TMIGD3: variants seen among roughly 807,000 people sequenced by gnomAD.
TMIGD3 encodes the protein transmembrane and immunoglobulin domain containing 3.
TMIGD3 carries 21 observed loss-of-function variants against 28.1 expected under a neutral mutation model. That is an observed-to-expected ratio of 0.75 (90% confidence interval 0.53 to 1.08). The LOEUF (loss-of-function observed/expected upper bound fraction) is 1.08. Ranked by LOEUF, TMIGD3 falls within the 50% of genes least tolerant of loss-of-function variation. The probability of loss-of-function intolerance (pLI) is 0.00; values close to 1 mark genes in which losing one functional copy is unlikely to be tolerated. For synonymous variants in TMIGD3, 151 were observed against 162.1 expected (o/e 0.93, Z 0.52); for missense variants, 416 against 435.6 (o/e 0.96, Z 0.40).
At chr1:111,551,174 T>G (rs1452551278) in intron 1 of TMIGD3, among the ~76,000 whole-genome samples, 2 of 151,476 alleles carry the variant, frequency 1.3e-5, no homozygotes, top group South Asian at 4.2e-4. Flanking sequence ...TTGGATCATG[T>G]TTTTTTTTGA....
At chr1:111,519,261 A>T (rs1655973795) in intron 1 of TMIGD3, among the ~76,000 whole-genome samples, 1 of 152,122 alleles carries the variant, frequency 6.6e-6, no homozygotes, top group African/African-American at 2.4e-5. Context: ...TTAAGCTCTT[A>T]TTTACAGTCC....
chr1:111,490,170 G>A (rs545876142), intron 2 of TMIGD3: 1 of 155,242 alleles, frequency 6.4e-6, no homozygotes, highest in Admixed American at 6.4e-5. Flanking sequence ...TCATCTTTGG[G>A]GTCAAGCACA....
chr1:111,556,496 A>G (rs960074576), intron 1 of TMIGD3, among the ~76,000 whole-genome samples: 3 of 152,214 alleles, frequency 2.0e-5, no homozygotes, highest in Non-Finnish European at 4.4e-5. Context: ...GGTGGAGGCA[A>G]CCCAAATGTG....
At chr1:111,531,681 A>G (rs1179045798) in intron 1 of TMIGD3, among the ~76,000 whole-genome samples, 3 of 152,054 alleles carry the variant, frequency 2.0e-5, no homozygotes, top group Admixed American at 2.0e-4. Context: ...TGTTAGTGCT[A>G]GATATTTTTG....
rs1224994016 is a variant in TMIGD3, at chr1:111,530,009, C to T, written c.107+33837G>A. The stretch of plus-strand genomic sequence containing the variant: ...TGGCCGGGCGGGGCGCTGACCCCCC[C>T]ACCTCCCTCCCGGACGGGGCGGCTG... On this transcript the variant is annotated intron_variant, in intron 1 of 5. Transcript: ENST00000369717. 5.1e-5 allele frequency among the ~76,000 whole-genome samples: 5 copies of T among 97,366 alleles called. 1 individual carries two copies. The East Asian group carries it at 3.6e-3, about 70-fold the overall frequency. The allele number at this position is 97,366 out of a possible 152,430, so 63.9% of individuals were successfully genotyped here. A position where few individuals can be genotyped will look rare whatever the true frequency, so the allele number is the denominator to read the frequency against.
rs771385095 is a variant in TMIGD3, at chr1:111,483,806, C to T, written c.974-49G>A. The stretch of plus-strand genomic sequence containing the variant: ...AAATGGAGTTGAGATCTATTGCCTA[C>T]CCCTGAAGAGTGTTTCTGCAGCAAA... On this transcript the variant is annotated intron_variant, in intron 5 of 5. Coordinates refer to ENST00000369716, the MANE Select transcript of TMIGD3 (RefSeq NM_020683.7). The T allele has an allele frequency of 1.0e-5, 15 of 1,475,514 alleles. 1 individual carries two copies. In the South Asian group the frequency reaches 1.6e-4, roughly 16 times the overall value. The allele number at this position is 1,475,514 out of a possible 1,614,324, so 91.4% of individuals were successfully genotyped here. A position where few individuals can be genotyped will look rare whatever the true frequency, so the allele number is the denominator to read the frequency against.
intron 1 of TMIGD3, among the ~76,000 whole-genome samples, chr1:111,543,554 A>G (rs1034264673): frequency 1.3e-5 from 2 of 152,088 alleles, no homozygotes; most frequent in Non-Finnish European, 2.9e-5. Flanking sequence ...GCTTTGAGAA[A>G]ATGAACAGTA....
intron 1 of TMIGD3, among the ~76,000 whole-genome samples, chr1:111,497,620 T>C (rs1049657338): frequency 2.6e-5 from 4 of 151,838 alleles, no homozygotes; most frequent in Non-Finnish European, 5.9e-5. Flanking sequence ...AAGCCATCAG[T>C]GGACTTGCTA....
At chr1:111,491,618 A>C (rs949636394) in intron 1 of TMIGD3, among the ~76,000 whole-genome samples, 1 of 152,228 alleles carries the variant, frequency 6.6e-6, no homozygotes, top group Admixed American at 6.5e-5. Flanking sequence ...GGCAAGCAGC[A>C]AGCCTTCATG....
At chr1:111,556,241 T>C (rs1657487426) in intron 1 of TMIGD3, among the ~76,000 whole-genome samples, 4 of 152,208 alleles carry the variant, frequency 2.6e-5, no homozygotes. Flanking sequence ...CTTATAAGTA[T>C]GGCTATTACC....
At position 111,491,785 on chromosome 1, in the gene TMIGD3, A is replaced by G. The variant is rs1654678913; in HGVS notation, c.351-1023T>C. ...CATATGACAAATTATAATATGTGGA[A>G]CTTATTTGGATCCTGATTGAAGCAA... On this transcript the variant is annotated intron_variant, in intron 1 of 5. Coordinates refer to ENST00000369716, the MANE Select transcript of TMIGD3 (RefSeq NM_020683.7). Among the ~76,000 whole-genome samples, 4 of 152,226 alleles carry G rather than the reference A, an allele frequency of 2.6e-5. No individual in the cohort carries two copies. The South Asian group carries it at 8.3e-4, about 31-fold the overall frequency.
rs778961251 is a variant in TMIGD3 at position 111,500,020 on chromosome 1, A to T, written c.350+2985T>A. The T allele has an allele frequency of 3.1e-6, 5 of 1,614,116 alleles. No individual in the cohort carries two copies. The Admixed American group carries it at 5.0e-5, about 16-fold the overall frequency. On this transcript the variant is annotated intron_variant, in intron 1 of 5. Transcript: ENST00000369716. ...ATGGCAGACCACACAAGCTTTGAGG[A>T]TCAAAAGGTAGGTTTCCTTGAACTT...
chr1:111,560,640 C>T (rs186076619), intron 1 of TMIGD3, among the ~76,000 whole-genome samples: 2 of 152,082 alleles, frequency 1.3e-5, no homozygotes, highest in Non-Finnish European at 2.9e-5. Flanking sequence ...AAGCATGCCT[C>T]ACCACATCCA....
intron 1 of TMIGD3, among the ~76,000 whole-genome samples, chr1:111,527,006 C>CTTTTTTTTTTTTTTT (rs71580580): frequency 4.6e-5 from 4 of 87,732 alleles, no homozygotes; most frequent in Non-Finnish European, 8.1e-5. Context: ...TCCTCAATGT[C>CTTTTTTTTTTTTTTT]TTTTTTTTTT....
intron 1 of TMIGD3, among the ~76,000 whole-genome samples, chr1:111,533,694 C>G (rs1393998493): frequency 6.6e-6 from 1 of 152,128 alleles, no homozygotes; most frequent in Non-Finnish European, 1.5e-5. Flanking sequence ...GCTGGGATTA[C>G]AGGAGCGTGC....
chr1:111,524,175 G>A (rs1469730651), intron 1 of TMIGD3, among the ~76,000 whole-genome samples: 10 of 150,622 alleles, frequency 6.6e-5, no homozygotes, highest in African/African-American at 1.2e-4. Context: ...GACTACAGGC[G>A]CCCGCCACTA....
intron 1 of TMIGD3, among the ~76,000 whole-genome samples, chr1:111,531,056 T>A (rs899575634): frequency 6.6e-6 from 1 of 152,242 alleles, no homozygotes; most frequent in Non-Finnish European, 1.5e-5. Flanking sequence ...GGCAGATAGG[T>A]TGCTTGAGCT....
chr1:111,513,697 G>T (rs1655766243), intron 1 of TMIGD3, among the ~76,000 whole-genome samples: 1 of 152,130 alleles, frequency 6.6e-6, no homozygotes, highest in Non-Finnish European at 1.5e-5. Context: ...AGAACTCTAG[G>T]TCACTGCAGA....
chr1:111,499,027 G>C (rs80240524), intron 1 of TMIGD3, among the ~76,000 whole-genome samples: 14,046 of 150,350 alleles, frequency 0.093, 779 homozygotes, highest in Middle Eastern at 0.18. Flanking sequence ...GGATGTTGAG[G>C]CTGCAATGAT....
Sources: allele counts gnomAD v4.1 joint callset (sites outside exome capture counted in the v4.1 genomes callset), GRCh38; gene constraint gnomAD v4.1.1; transcripts MANE v1.5; gene names NCBI Gene and HGNC (gene_info 2026-07-23, HGNC 2026-07-21).